PLCE1: variants seen among roughly 807,000 people sequenced by gnomAD.
PLCE1 encodes phospholipase C epsilon 1, also known as 1-phosphatidylinositol 4,5-bisphosphate phosphodiesterase epsilon-1.
PLCE1 carries 119 observed loss-of-function variants against 242.8 expected under a neutral mutation model. The observed-to-expected ratio is 0.49, with a 90% CI of 0.42 to 0.57. PLCE1 has a LOEUF of 0.57. Among genes scored for constraint, PLCE1 ranks in the 20% least tolerant of loss-of-function variants. The pLI is 0.00. For missense variants in PLCE1, 2,441 were observed against 2,788.8 expected (o/e 0.88, Z 2.81); for synonymous variants, 945 against 1,017.4 (o/e 0.93, Z 1.35).
chr10:94,268,953 G>T lies in PLCE1; in HGVS notation c.4306G>T (p.Val1436Leu). Reference protein sequence around the residue: ...SQVLLQGCRSVELDCWDGDDG... With the variant: ...SQVLLQGCRSLELDCWDGDDG... ...GGTCCTTTTGCAAGGCTGTCGAAGT[G>T]TAGAATTGGACTGCTGGGACGGAGA... Residue 1436 changes from valine (V) to leucine (L), a missense_variant, in exon 17 of 33, where the codon GTA (valine) becomes TTA (leucine). Coordinates refer to ENST00000371380, the MANE Select transcript of PLCE1 (RefSeq NM_016341.4). 1 of 1,612,522 alleles carries T rather than the reference G, an allele frequency of 6.2e-7. No individual in the cohort carries two copies. The highest frequency in any genetic ancestry group is 8.5e-7 in the Non-Finnish European group (1 of 1,178,622).
chr10:94,254,333 AT>A (rs777643157), intron 10 of PLCE1, 26 bp downstream of exon 10: 4 of 1,514,200 alleles, frequency 2.6e-6, no homozygotes, highest in East Asian at 2.3e-5. Context: ...TACATCTGAG[AT>A]TTTTGTTTTT....
chr10:94,069,818 A>G (rs1255250540), intron 2 of PLCE1, among the ~76,000 whole-genome samples: 2 of 152,172 alleles, frequency 1.3e-5, no homozygotes, highest in African/African-American at 2.4e-5. Context: ...ACTTGAGCAA[A>G]CAGAGGGTGG....
At chr10:94,107,528 G>C (rs968555727) in intron 2 of PLCE1, 1 of 152,186 alleles carries the variant, frequency 6.6e-6, no homozygotes, top group Non-Finnish European at 1.5e-5. Context: ...TTTAGGACAA[G>C]AGAAAGGTAG....
At chr10:94,085,464 A>C (rs1405958502) in intron 2 of PLCE1, among the ~76,000 whole-genome samples, 2 of 152,198 alleles carry the variant, frequency 1.3e-5, no homozygotes, top group Admixed American at 1.3e-4. Flanking sequence ...GAGGCAGTCC[A>C]TATTTTGGAA....
intron 2 of PLCE1, among the ~76,000 whole-genome samples, chr10:94,092,372 C>T (rs17109746): frequency 0.31 from 47,559 of 151,952 alleles, 8,162 homozygotes; most frequent in African/African-American, 0.46. Context: ...TGTGTGAAAT[C>T]CTTTATGTTC....
chr10:94,213,881 G>A (rs954642703), intron 4 of PLCE1, among the ~76,000 whole-genome samples: 9 of 151,946 alleles, frequency 5.9e-5, no homozygotes, highest in African/African-American at 1.5e-4. Flanking sequence ...CATATTTATC[G>A]TCCCTTTTAT....
At chr10:94,060,288 A>G (rs1400524008) in intron 2 of PLCE1, among the ~76,000 whole-genome samples, 1 of 152,168 alleles carries the variant, frequency 6.6e-6, no homozygotes, top group East Asian at 1.9e-4. Flanking sequence ...ATACTGTACT[A>G]AAGGCACACA....
chr10:94,087,730 AC>A (rs1373488966), intron 2 of PLCE1, among the ~76,000 whole-genome samples: 11 of 152,196 alleles, frequency 7.2e-5, no homozygotes, highest in African/African-American at 2.7e-4. Flanking sequence ...GGCATGAGCC[AC>A]CATGCCTGTC....
chr10:94,010,101 C>G (rs565406999), intron 1 of PLCE1, among the ~76,000 whole-genome samples: 4 of 152,224 alleles, frequency 2.6e-5, no homozygotes, highest in Non-Finnish European at 4.4e-5. Context: ...TCTGATACAT[C>G]CTCTGAAATC....
rs559547121 is a variant in PLCE1, at chr10:94,134,641, C to A, written c.1492+2182C>A. 3.9e-5 allele frequency among the ~76,000 whole-genome samples: 6 copies of A among 152,274 alleles called. No individual in the cohort carries two copies. The South Asian group carries it at 1.2e-3, about 32-fold the overall frequency. On this transcript the variant is annotated intron_variant, in intron 3 of 32. Transcript: ENST00000371380. ...CAGTAGTGTGTAGGAAGAAACGGAT[C>A]TCTAGGCTGCCCAACCAAGGCAGGC...
intron 4 of PLCE1, among the ~76,000 whole-genome samples, chr10:94,189,085 C>T (rs939022794): frequency 4.0e-5 from 6 of 150,482 alleles, no homozygotes; most frequent in African/African-American, 9.7e-5. Flanking sequence ...TATTGATAGT[C>T]GCCATGCATG....
At chr10:94,041,435 A>G (rs1422714025) in intron 2 of PLCE1, among the ~76,000 whole-genome samples, 1 of 151,962 alleles carries the variant, frequency 6.6e-6, no homozygotes, top group African/African-American at 2.4e-5. Flanking sequence ...CCAGCAATCC[A>G]TGCTTGTCAT....
intron 4 of PLCE1, among the ~76,000 whole-genome samples, chr10:94,195,797 C>T (rs1406181162): frequency 6.6e-6 from 1 of 152,118 alleles, no homozygotes; most frequent in African/African-American, 2.4e-5. Context: ...CTGTACTATA[C>T]ATCTAAAAAA....
chr10:94,270,750 A>G (rs185322707), intron 18 of PLCE1, 148 bp downstream of exon 18: 1 of 721,572 alleles, frequency 1.4e-6, no homozygotes. Context: ...GCTCACTGCA[A>G]CCTCTGCCTC....
At chr10:94,176,838 T>G (rs923033494) in intron 4 of PLCE1, among the ~76,000 whole-genome samples, 1 of 151,954 alleles carries the variant, frequency 6.6e-6, no homozygotes, top group Non-Finnish European at 1.5e-5. Context: ...GCAGTGAGAG[T>G]GGCACCAACA....
intron 18 of PLCE1, among the ~76,000 whole-genome samples, chr10:94,272,574 T>C (rs2051787048): frequency 6.6e-6 from 1 of 152,130 alleles, no homozygotes. Flanking sequence ...GATTAAGAGA[T>C]TGAAGTAAAG....
At position 94,189,099 on chromosome 10, in the gene PLCE1, G is replaced by A. The variant is rs150557326; in HGVS notation, c.1809+17603G>A. On this transcript the variant is annotated intron_variant, in intron 4 of 32. Transcript: ENST00000371380. ...GTATTGATAGTCGCCATGCATGTTAGTATACTGAAGGCTGAAGAAGTCCAG... is the reference window on the plus strand; with the variant it reads ...GTATTGATAGTCGCCATGCATGTTAATATACTGAAGGCTGAAGAAGTCCAG... Among the ~76,000 whole-genome samples, 634 of 150,258 alleles carry A rather than the reference G, an allele frequency of 4.2e-3. 5 individuals carry two copies. Among genetic ancestry groups the A allele is most frequent in the African/African-American group, 0.013 (547 of 41,040 alleles).
intron 21 of PLCE1, 140 bp from the exon 22 acceptor site, chr10:94,284,708 G>C (rs1203103203): frequency 3.1e-6 from 2 of 647,620 alleles, no homozygotes; most frequent in African/African-American, 3.6e-5. Context: ...GAAAGCTGTT[G>C]GGACATGTAT....
intron 4 of PLCE1, among the ~76,000 whole-genome samples, chr10:94,188,098 A>G (rs945440280): frequency 2.2e-4 from 33 of 152,144 alleles, no homozygotes; most frequent in African/African-American, 7.2e-4. Flanking sequence ...TTCATGTTAT[A>G]GTGGTCTTGT....
Sources: gnomAD v4.1 joint callset for allele counts (sites outside exome capture counted in the v4.1 genomes callset) on GRCh38, gnomAD v4.1.1 for gene constraint, MANE v1.5 for transcripts, NCBI Gene and HGNC (gene_info 2026-07-23, HGNC 2026-07-21) for gene names.